The following EDNRB variants were observed in gnomAD, a reference collection of about 807,000 sequenced individuals.
The protein encoded by EDNRB is endothelin receptor type B.
In EDNRB, 18 loss-of-function variants were observed where a neutral mutation model predicts 46.4. The ratio of observed to expected loss-of-function variants is 0.39; its 90% CI spans 0.27 to 0.57. EDNRB has a LOEUF of 0.57. Among genes scored for constraint, EDNRB ranks in the 20% least tolerant of loss-of-function variants. The probability of loss-of-function intolerance (pLI) is 0.61; values close to 1 mark genes in which losing one functional copy is unlikely to be tolerated. For missense variants in EDNRB, 434 were observed against 537.5 expected (o/e 0.81, Z 1.90); for synonymous variants, 213 against 204.9 (o/e 1.04, Z -0.34).
intron 1 of EDNRB, among the ~76,000 whole-genome samples, chr13:77,914,345 G>T (rs1879711409): frequency 6.6e-6 from 1 of 152,086 alleles, no homozygotes; most frequent in Non-Finnish European, 1.5e-5. Context: ...CTTGCTATAT[G>T]CCATGCCCTG....
intron 1 of EDNRB, among the ~76,000 whole-genome samples, chr13:77,943,396 C>G (rs1880807911): frequency 6.6e-6 from 1 of 152,106 alleles, no homozygotes; most frequent in South Asian, 2.1e-4. Context: ...TCATCTCTCT[C>G]TTTATAATCC....
chr13:77,909,097 G>T (rs1473837913), intron 1 of EDNRB, among the ~76,000 whole-genome samples: 2 of 151,962 alleles, frequency 1.3e-5, no homozygotes, highest in East Asian at 3.9e-4. Context: ...ATTTCTTTTG[G>T]ATGATAAACA....
At chr13:77,943,673 A>G (rs933345440) in intron 1 of EDNRB, among the ~76,000 whole-genome samples, 5 of 151,992 alleles carry the variant, frequency 3.3e-5, no homozygotes, top group African/African-American at 1.2e-4. Flanking sequence ...ATGAAATCTA[A>G]TTGTTTTTGG....
chr13:77,946,682 C>T (rs1880929858), intron 1 of EDNRB, among the ~76,000 whole-genome samples: 1 of 152,150 alleles, frequency 6.6e-6, no homozygotes, highest in Non-Finnish European at 1.5e-5. Context: ...GACTGATCCA[C>T]AAAGCACAAT....
intron 1 of EDNRB, among the ~76,000 whole-genome samples, chr13:77,957,483 C>T (rs1200882339): frequency 6.6e-6 from 1 of 152,158 alleles, no homozygotes; most frequent in Non-Finnish European, 1.5e-5. Context: ...ACTTAGGCAT[C>T]ACAGTTCTAT....
At position 77,966,261 on chromosome 13, in the gene EDNRB, C is replaced by T. The variant is rs540478031; in HGVS notation, c.-52+9086G>A. Reference sequence around the variant, plus strand: ...GAAGCAAGGGTCATACACTTTTCCACAGGAATTCCTTGGCTTACTCATTTG... The same window carrying T: ...GAAGCAAGGGTCATACACTTTTCCATAGGAATTCCTTGGCTTACTCATTTG... On this transcript the variant is annotated intron_variant, in intron 1 of 7. Transcript: ENST00000646948. 2.0e-5 allele frequency among the ~76,000 whole-genome samples: 3 copies of T among 152,244 alleles called. No individual in the cohort carries two copies. The South Asian group carries it at 6.2e-4, about 32-fold the overall frequency.
At chr13:77,961,010 TGCACCCAGTACAGGA>T (rs1260039073) in intron 1 of EDNRB, among the ~76,000 whole-genome samples, 1 of 152,156 alleles carries the variant, frequency 6.6e-6, no homozygotes, top group Non-Finnish European at 1.5e-5. Flanking sequence ...TAAATATATA[TGCACCCAGTACAGGA>T]GCACCCAGAT....
At chr13:77,937,731 A>C (rs189215218) in intron 1 of EDNRB, among the ~76,000 whole-genome samples, 7 of 151,978 alleles carry the variant, frequency 4.6e-5, no homozygotes, top group African/African-American at 1.7e-4. Context: ...AAGCTGAGGA[A>C]GAATTGGGAC....
intron 1 of EDNRB, among the ~76,000 whole-genome samples, chr13:77,951,501 A>C (rs1032150303): frequency 1.3e-5 from 2 of 152,160 alleles, no homozygotes; most frequent in African/African-American, 4.8e-5. Flanking sequence ...AATGGACAGA[A>C]ATTGGGAGGG....
At position 77,903,127 on chromosome 13, in the gene EDNRB, G is replaced by T. The variant is rs377488350; in HGVS notation, c.801+29C>A. On this transcript the variant is annotated intron_variant, in intron 3 of 6. Transcript: ENST00000646607. ...GCTAAATATTTATAAGGCAAGAGCA[G>T]AAAGGAAAATAAAAAAAGTGAAATT... 1.6e-5 allele frequency: 26 copies of T among 1,609,446 alleles called. No homozygotes were observed. In the African/African-American group the frequency reaches 3.3e-4, roughly 21 times the overall value.
At chr13:77,909,839 G>T (rs916892076) in intron 1 of EDNRB, among the ~76,000 whole-genome samples, 1 of 151,950 alleles carries the variant, frequency 6.6e-6, no homozygotes, top group Non-Finnish European at 1.5e-5. Context: ...TAATTGACAT[G>T]ACTGTATATT....
At chr13:77,903,051 G>C (rs1879078777) in intron 3 of EDNRB, 105 bp downstream of exon 3, 1 of 1,206,192 alleles carries the variant, frequency 8.3e-7, no homozygotes, top group South Asian at 1.3e-5. Flanking sequence ...TTATGCCAAG[G>C]ACAGTCATAA....
chr13:77,956,576 C>A (rs890560972), intron 1 of EDNRB, among the ~76,000 whole-genome samples: 4 of 152,142 alleles, frequency 2.6e-5, no homozygotes, highest in African/African-American at 4.8e-5. Context: ...CTTGTATTAG[C>A]TTTTTATTAC....
chr13:77,964,711 G>A (rs753352463), intron 1 of EDNRB, among the ~76,000 whole-genome samples: 6 of 152,122 alleles, frequency 3.9e-5, no homozygotes, highest in African/African-American at 1.2e-4. Flanking sequence ...ACACCAACAC[G>A]GCACATGTAT....
At chr13:77,969,516 G>A (rs530504875) in intron 1 of EDNRB, among the ~76,000 whole-genome samples, 6 of 152,230 alleles carry the variant, frequency 3.9e-5, no homozygotes, top group African/African-American at 1.4e-4. Flanking sequence ...GGTAGTTTGG[G>A]TCTGAGAAAG....
intron 1 of EDNRB, among the ~76,000 whole-genome samples, chr13:77,964,993 T>G (rs1881540955): frequency 6.6e-6 from 1 of 152,158 alleles, no homozygotes; most frequent in South Asian, 2.1e-4. Flanking sequence ...TATACATAAG[T>G]AAGTACCATT....
chr13:77,929,424 A>G (rs1228511202), intron 1 of EDNRB, among the ~76,000 whole-genome samples: 1 of 152,152 alleles, frequency 6.6e-6, no homozygotes, highest in Non-Finnish European at 1.5e-5. Flanking sequence ...TGATCTCATA[A>G]TGTAACGTAT....
intron 1 of EDNRB, among the ~76,000 whole-genome samples, chr13:77,958,818 T>G (rs1347550776): frequency 6.6e-6 from 1 of 152,244 alleles, no homozygotes; most frequent in Non-Finnish European, 1.5e-5. Flanking sequence ...TTAATGTAAA[T>G]GTGAAGGCTT....
chr13:77,919,074 T>C (rs1255145750), upstream of EDNRB: 10 of 505,598 alleles, frequency 2.0e-5, no homozygotes, highest in Admixed American at 4.2e-5. Context: ...ACCCCGCGAT[T>C]GAACTCGAAA....
Sources: gnomAD v4.1 joint callset for allele counts (sites outside exome capture counted in the v4.1 genomes callset) on GRCh38, gnomAD v4.1.1 for gene constraint, MANE v1.5 for transcripts, NCBI Gene and HGNC (gene_info 2026-07-23, HGNC 2026-07-21) for gene names.